Variants in CFAP74 observed in about 807,000 individuals in gnomAD.
The protein encoded by CFAP74 is cilia and flagella associated protein 74, also known as cilia- and flagella-associated protein 74.
Under a neutral mutation model 188.9 loss-of-function variants are expected in CFAP74, and 124 were observed. That is an observed-to-expected ratio of 0.66 (90% CI 0.57 to 0.76). The LOEUF (loss-of-function observed/expected upper bound fraction) is 0.76, where lower values mean the gene tolerates loss of function less well. Among genes scored for constraint, CFAP74 ranks in the 30% least tolerant of loss-of-function variants. The pLI is 0.00. For missense variants in CFAP74, 2,198 were observed against 2,165.2 expected (o/e 1.02, Z -0.30); for synonymous variants, 956 against 916.7 (o/e 1.04, Z -0.77).
Position 1,946,328 on chromosome 1 carries a change from G to A in CFAP74, c.2353C>T (p.Gln785Ter), listed in dbSNP as rs1478802295. The change falls in exon 20 of 39, where the codon CAG becomes TAG. Residue 785 changes from glutamine to a stop codon, truncating the protein, a stop_gained. Coordinates refer to ENST00000682832, the MANE Select transcript of CFAP74 (RefSeq NM_001304360.2). LOFTEE classifies it high-confidence loss of function. ...ARFKVTFKNP[Q>*]CPTLHFRVVG... ...GCAGGAATACTCACCGTGGGGCACT[G>A]GGGGTTCTTAAACGTGACTTTGAAC... is the stretch of plus-strand genomic sequence containing the variant. 1 of 1,535,980 alleles carries A rather than the reference G, an allele frequency of 6.5e-7. No homozygotes were observed. The highest frequency in any genetic ancestry group is 1.2e-5 in the South Asian group (1 of 84,004).
At chr1:1,985,569 C>G (rs1657182633) in intron 5 of CFAP74, 79 bp from the exon 6 acceptor site, 1 of 1,115,542 alleles carries the variant, frequency 9.0e-7, no homozygotes, top group African/African-American at 1.5e-5. Flanking sequence ...CTGGCACTCC[C>G]TGGCCTCCTC....
rs915692654 is a variant in CFAP74, at chr1:1,966,298, C to T, written c.1401+73G>A. 1.3e-4 allele frequency: 175 copies of T among 1,362,182 alleles called. 1 individual carries two copies. The East Asian group carries it at 4.3e-3, about 33-fold the overall frequency. The allele number at this position is 1,362,182 out of a possible 1,614,324, so 84.4% of individuals were successfully genotyped here. Reference sequence around the variant, plus strand: ...GAGCAGCTGGTGTGGCCGGGGCAGGCGTGGGAGGTGGCGAGCCGGCGACAG... The same window carrying T: ...GAGCAGCTGGTGTGGCCGGGGCAGGTGTGGGAGGTGGCGAGCCGGCGACAG... On this transcript the variant is annotated intron_variant, in intron 12 of 38. Transcript: ENST00000682832.
chr1:1,991,996 CG>C (rs1558066523), intron 1 of CFAP74, among the ~76,000 whole-genome samples: 61 of 148,862 alleles, frequency 4.1e-4, no homozygotes, highest in African/African-American at 1.5e-3. Flanking sequence ...GCCGAGATCG[CG>C]CCACTGCACT....
At chr1:1,998,425 G>A (rs937689394) in intron 1 of CFAP74, among the ~76,000 whole-genome samples, 2 of 135,626 alleles carry the variant, frequency 1.5e-5, no homozygotes, top group African/African-American at 2.6e-5. Context: ...AAACATGCTA[G>A]TCCAGATCTA....
intron 8 of CFAP74, among the ~76,000 whole-genome samples, chr1:1,972,307 G>C (rs977025651): frequency 2.0e-5 from 3 of 152,202 alleles, no homozygotes; most frequent in Admixed American, 2.0e-4. Flanking sequence ...CAGGAGCCTC[G>C]GTGCTATCAT....
Position 1,964,898 on chromosome 1 carries a change from A to T in CFAP74, c.1565T>A (p.Leu522His), listed in dbSNP as rs1420855938. 2 of 1,613,468 alleles carry T rather than the reference A, an allele frequency of 1.2e-6. No homozygotes were observed. Among genetic ancestry groups the T allele is most frequent in the African/African-American group, 2.7e-5 (2 of 74,912 alleles). The change falls in exon 13 of 39, where the codon CTC (leucine) becomes CAC (histidine). Residue 522 changes from leucine to histidine, a missense_variant. Physicochemically the swap from Leu to His is moderately conservative, Grantham distance 99 (BLOSUM62 -3). Coordinates refer to ENST00000682832, the MANE Select transcript of CFAP74 (RefSeq NM_001304360.2). ...GRPFNSKPEL[L>H]HFQDFDIGKV... ...CAGCTGCGGGCTCACCTGGAAGTGG[A>T]GGAGCTCCGGTTTGCTGTTGAAGGG...
intron 16 of CFAP74, among the ~76,000 whole-genome samples, chr1:1,958,260 C>G (rs1293823867): frequency 6.6e-6 from 1 of 152,248 alleles, no homozygotes; most frequent in Non-Finnish European, 1.5e-5. Context: ...CTCTGCCCTT[C>G]GCCTGCCCCG....
chr1:1,946,235 T>C, intron 20 of CFAP74, 82 bp downstream of exon 20: 2 of 1,450,086 alleles, frequency 1.4e-6, no homozygotes, highest in Non-Finnish European at 1.8e-6. Context: ...AATGGCGACC[T>C]TGTGGCCAAG....
chr1:1,950,292 C>T (rs574797084), intron 18 of CFAP74, among the ~76,000 whole-genome samples: 6 of 150,764 alleles, frequency 4.0e-5, no homozygotes, highest in African/African-American at 1.2e-4. Context: ...TTCTCATCCA[C>T]GTACGTATCT....
rs1256331862 is a variant in CFAP74, at chr1:1,942,296, G to A, written c.2487-140C>T. 4.0e-6 allele frequency: 3 copies of A among 758,300 alleles called. No individual in the cohort carries two copies. Among genetic ancestry groups the A allele is most frequent in the Non-Finnish European group, 5.7e-6 (3 of 522,032 alleles). The allele number at this position is 758,300 out of a possible 1,614,324, so 47.0% of individuals were successfully genotyped here. A position where few individuals can be genotyped will look rare whatever the true frequency, so the allele number is the denominator to read the frequency against. The stretch of plus-strand genomic sequence containing the variant: ...AGCCCACCCACTCCAAGCCATGCAC[G>A]TGCACCTCGACAATCGGAGTCCTCA... On this transcript the variant is annotated intron_variant, in intron 21 of 38. Coordinates refer to ENST00000682832, the MANE Select transcript of CFAP74 (RefSeq NM_001304360.2). This position sits in a 1 kb window ranked among gnomAD's most constrained non-coding sequence, Gnocchi z 4.3.
chr1:2,002,833 T>G (rs1329647484), intron 1 of CFAP74, among the ~76,000 whole-genome samples: 2 of 150,528 alleles, frequency 1.3e-5, no homozygotes, highest in East Asian at 3.9e-4. Flanking sequence ...ATATAAAGTT[T>G]ATATAAAGTT....
In CFAP74 at chr1:1,924,451, G is replaced by A. The variant is rs145353695; in HGVS notation, c.4174C>T (p.Arg1392Trp). The part of the protein sequence containing the change: ...HLDSLSSTRG[R>W]GQQQLPQFLS... Reference sequence around the variant, plus strand: ...AACTGCGGCAGCTGCTGCTGGCCCCGGCCCCGGGTGCTGGAGAGGCTGTCC... The same window carrying A: ...AACTGCGGCAGCTGCTGCTGGCCCCAGCCCCGGGTGCTGGAGAGGCTGTCC... Residue 1392 changes from arginine (R) to tryptophan (W), a missense_variant, in exon 34 of 39, where the codon CGG (arginine) becomes TGG (tryptophan). Coordinates refer to ENST00000682832, the MANE Select transcript of CFAP74 (RefSeq NM_001304360.2). The A allele has an allele frequency of 3.0e-4, 471 of 1,571,534 alleles. 1 individual carries two copies. In the African/African-American group the frequency reaches 5.9e-3, roughly 20 times the overall value.
At position 1,928,880 on chromosome 1, in the gene CFAP74, C is replaced by T. The variant is rs529954216; in HGVS notation, c.3291G>A (p.Arg1097=). The stretch of plus-strand genomic sequence containing the variant: ...GCCGGAAGGCCACCTGGACCAGGCA[C>T]CTCTGAGGAGAGACCAGCGTGGGCA... The part of the protein sequence containing the change: ...PSVGTVWPGK[R]CLVQVAFRPV... Residue 1097 remains arginine, a splice_region_variant and synonymous_variant, in exon 27 of 39, where the codon AGG becomes AGA. Transcript: ENST00000682832. The T allele has an allele frequency of 2.1e-5, 32 of 1,535,140 alleles. No homozygotes were observed. The highest frequency in any genetic ancestry group is 4.8e-5 in the South Asian group (4 of 84,044).
intron 6 of CFAP74, chr1:1,984,999 C>T (rs1657140474): frequency 5.1e-6 from 1 of 195,960 alleles, no homozygotes; most frequent in African/African-American, 2.3e-5. Flanking sequence ...TCCCAAACCC[C>T]TTCTTGCCAA....
chr1:1,939,022 CGGGGAGACCATGTGGACACACGTGCGGCA>C (rs1558003038), intron 24 of CFAP74, 34 bp from the exon 25 acceptor site: 14 of 1,529,444 alleles, frequency 9.2e-6, no homozygotes, highest in Non-Finnish European at 1.2e-5. Flanking sequence ...GGGCATGTCA[CGGGGAGACCATGTGGACACACGTGCGGCA>C]GGGCCGTGAG....
chr1:1,980,380 G>A lies in CFAP74; in HGVS notation c.500+5006C>T, dbSNP rs1276625421. ...TACCGCGTGGGGAGGACGGGTGAACGAGAGACTGTATCTAAGCCACCGGCA... is the reference window on the plus strand; with the variant it reads ...TACCGCGTGGGGAGGACGGGTGAACAAGAGACTGTATCTAAGCCACCGGCA... On this transcript the variant is annotated intron_variant, in intron 6 of 38. Transcript: ENST00000682832. 1.3e-3 allele frequency among the ~76,000 whole-genome samples: 77 copies of A among 57,880 alleles called. 1 individual carries two copies. Among genetic ancestry groups the A allele is most frequent in the African/African-American group, 5.4e-3 (73 of 13,638 alleles). 38.0% of individuals were successfully genotyped at this position (57,880 alleles called of 152,430 possible).
At chr1:1,947,229 G>A (rs1265605256) in intron 18 of CFAP74, among the ~76,000 whole-genome samples, 175 bp from the exon 19 acceptor site, 2 of 152,220 alleles carry the variant, frequency 1.3e-5, no homozygotes, top group Non-Finnish European at 2.9e-5. Context: ...AGAGGGTGCA[G>A]CCAGTCCCCA....
chr1:1,964,708 T>G (rs1655337670), intron 13 of CFAP74, among the ~76,000 whole-genome samples, 180 bp downstream of exon 13: 1 of 152,230 alleles, frequency 6.6e-6, no homozygotes, highest in Non-Finnish European at 1.5e-5. Context: ...GAGAATCGCT[T>G]GAACCCAGGA....
intron 24 of CFAP74, 140 bp from the exon 25 acceptor site, chr1:1,939,128 G>T: frequency 2.2e-6 from 2 of 906,992 alleles, no homozygotes; most frequent in Non-Finnish European, 3.3e-6. Flanking sequence ...CGCTGTCAAC[G>T]AGTGTGTGTC....
Sources: gnomAD v4.1 joint callset for allele counts (sites outside exome capture counted in the v4.1 genomes callset) on GRCh38, gnomAD v4.1.1 for gene constraint, Gnocchi (gnomAD v3.1) non-coding constraint, MANE v1.5 for transcripts, NCBI Gene and HGNC (gene_info 2026-07-23, HGNC 2026-07-21) for gene names.